KIAA0825: variants seen among roughly 807,000 people sequenced by gnomAD.
KIAA0825 encodes KIAA0825.
KIAA0825 carries 119 observed loss-of-function variants against 147.6 expected under a neutral mutation model. The observed-to-expected ratio is 0.81, with a 90% CI of 0.69 to 0.94. KIAA0825 has a LOEUF of 0.94. Ranked by LOEUF, KIAA0825 falls within the 40% of genes least tolerant of loss-of-function variation. The probability of loss-of-function intolerance (pLI) is 0.00; values close to 1 mark genes in which losing one functional copy is unlikely to be tolerated. For synonymous variants in KIAA0825, 470 were observed against 518.1 expected, an observed-to-expected ratio of 0.91 and a Z score of 1.26; for missense variants, 1,381 against 1,472.7, an observed-to-expected ratio of 0.94 and a Z score of 1.02.
intron 2 of KIAA0825, among the ~76,000 whole-genome samples, chr5:94,549,120 T>C (rs1013723910): frequency 6.6e-6 from 1 of 152,152 alleles, no homozygotes; most frequent in African/African-American, 2.4e-5. Flanking sequence ...ATCCAATGGC[T>C]GAAGAATACA....
chr5:94,209,116 A>C (rs1772468855), intron 20 of KIAA0825, among the ~76,000 whole-genome samples: 1 of 152,194 alleles, frequency 6.6e-6, no homozygotes, highest in Admixed American at 6.5e-5. Context: ...AAATTTTATA[A>C]TTTTAGGTAA....
intron 20 of KIAA0825, among the ~76,000 whole-genome samples, chr5:94,348,225 G>A (rs1783233797): frequency 6.6e-6 from 1 of 152,142 alleles, no homozygotes; most frequent in Non-Finnish European, 1.5e-5. Flanking sequence ...CGTATTTCGG[G>A]AAATAATTAA....
intron 5 of KIAA0825, among the ~76,000 whole-genome samples, chr5:94,500,484 T>A (rs1764934462): frequency 6.6e-6 from 1 of 152,074 alleles, no homozygotes; most frequent in Non-Finnish European, 1.5e-5. Context: ...GGAGAATGAA[T>A]CATAGTTTCT....
chr5:94,160,411 A>G (rs1234775445), intron 20 of KIAA0825, among the ~76,000 whole-genome samples: 1 of 150,260 alleles, frequency 6.7e-6, no homozygotes, highest in African/African-American at 2.4e-5. Context: ...ATATATGTAT[A>G]CAGTATACAT....
chr5:94,614,150 T>A (rs1256001143), intron 1 of KIAA0825, among the ~76,000 whole-genome samples: 1 of 152,130 alleles, frequency 6.6e-6, no homozygotes, highest in Non-Finnish European at 1.5e-5. Flanking sequence ...TTTATTGACA[T>A]GGAAAAATTC....
rs1245307571 is a variant in KIAA0825, at chr5:94,469,986, C to G, written c.1847G>C (p.Trp616Ser). The change falls in exon 10 of 21, where the codon TGG becomes TCG. Residue 616 changes from tryptophan (W) to serine (S), a missense_variant. Coordinates refer to ENST00000682413, the MANE Select transcript of KIAA0825 (RefSeq NM_001145678.3). ...CTCATAAAAAGCTTTGTAGTCATCCCAGTGGTGGCTCTCAGCATCCTGTAA... is the reference window on the plus strand; with the variant it reads ...CTCATAAAAAGCTTTGTAGTCATCCGAGTGGTGGCTCTCAGCATCCTGTAA... The part of the protein sequence containing the change: ...SILQDAESHH[W>S]DDYKAFYEGE... The G allele has an allele frequency of 1.1e-5, 17 of 1,551,486 alleles. No individual in the cohort carries two copies. Among genetic ancestry groups the G allele is most frequent in the African/African-American group, 1.4e-5 (1 of 73,018 alleles).
At chr5:94,274,699 TAAC>T (rs1777143665) in intron 20 of KIAA0825, among the ~76,000 whole-genome samples, 1 of 152,154 alleles carries the variant, frequency 6.6e-6, no homozygotes, top group Non-Finnish European at 1.5e-5. Flanking sequence ...TTAGCTAAGA[TAAC>T]AAAGCAGCAA....
chr5:94,463,952 C>G (rs1760148823), intron 11 of KIAA0825, among the ~76,000 whole-genome samples: 1 of 149,198 alleles, frequency 6.7e-6, no homozygotes, highest in African/African-American at 2.5e-5. Context: ...GTCAGTAATT[C>G]AAAACAGCCT....
intron 20 of KIAA0825, among the ~76,000 whole-genome samples, chr5:94,252,623 A>C (rs1776022375): frequency 6.6e-6 from 1 of 152,052 alleles, no homozygotes. Context: ...ATTTTAATGC[A>C]GCATAGGATA....
At chr5:94,575,721 T>C (rs1377279328) in intron 2 of KIAA0825, among the ~76,000 whole-genome samples, 3 of 152,168 alleles carry the variant, frequency 2.0e-5, no homozygotes, top group Non-Finnish European at 4.4e-5. Flanking sequence ...ATATTTGATA[T>C]CAAAGGCTTT....
chr5:94,402,874 AC>A (rs1448968585), intron 16 of KIAA0825, among the ~76,000 whole-genome samples: 1 of 152,086 alleles, frequency 6.6e-6, no homozygotes, highest in East Asian at 1.9e-4. Context: ...TAATATACAT[AC>A]AAAGGAATCT....
intron 10 of KIAA0825, among the ~76,000 whole-genome samples, chr5:94,469,076 T>C (rs183158195): frequency 3.7e-4 from 57 of 152,298 alleles, no homozygotes; most frequent in Middle Eastern, 3.4e-3. Context: ...TAATTGATCC[T>C]GGGTCTGGCT....
intron 20 of KIAA0825, among the ~76,000 whole-genome samples, chr5:94,373,389 T>C (rs961517295): frequency 1.3e-5 from 2 of 152,094 alleles, no homozygotes; most frequent in Non-Finnish European, 2.9e-5. Flanking sequence ...AGGAAAGAAG[T>C]TTTTTATAAA....
intron 12 of KIAA0825, among the ~76,000 whole-genome samples, chr5:94,456,433 TG>T (rs1171156446): frequency 6.6e-6 from 1 of 152,186 alleles, no homozygotes; most frequent in African/African-American, 2.4e-5. Flanking sequence ...AATTTTGGTT[TG>T]TTTTTATAGG....
chr5:94,395,498 AC>A (rs1054831190), intron 17 of KIAA0825, among the ~76,000 whole-genome samples: 5 of 152,130 alleles, frequency 3.3e-5, no homozygotes, highest in African/African-American at 1.2e-4. Flanking sequence ...CTCATCAGGG[AC>A]CCTTAAAAAT....
intron 11 of KIAA0825, among the ~76,000 whole-genome samples, chr5:94,463,365 G>C (rs1174850104): frequency 1.3e-5 from 2 of 148,288 alleles, no homozygotes; most frequent in African/African-American, 4.9e-5. Flanking sequence ...ATGACATTTT[G>C]GTCTCAAATT....
intron 5 of KIAA0825, among the ~76,000 whole-genome samples, chr5:94,511,390 G>A (rs142152243): frequency 1.3e-5 from 2 of 152,346 alleles, no homozygotes; most frequent in African/African-American, 4.8e-5. Context: ...GGAGGCCAAG[G>A]AGGGCAGATC....
chr5:94,608,731 C>T (rs923913295), intron 1 of KIAA0825, among the ~76,000 whole-genome samples: 4 of 150,106 alleles, frequency 2.7e-5, no homozygotes, highest in African/African-American at 7.4e-5. Context: ...AACATCAGAC[C>T]GTATTTGTTG....
At chr5:94,163,256 A>T (rs1326756712) in intron 20 of KIAA0825, among the ~76,000 whole-genome samples, 1 of 152,212 alleles carries the variant, frequency 6.6e-6, no homozygotes, top group East Asian at 1.9e-4. Flanking sequence ...TTAGCAAAGT[A>T]CTTAATTTAG....
Sources: allele counts gnomAD v4.1 joint callset (sites outside exome capture counted in the v4.1 genomes callset), GRCh38; gene constraint gnomAD v4.1.1; transcripts MANE v1.5; gene names NCBI Gene and HGNC (gene_info 2026-07-23, HGNC 2026-07-21).